The following CC2D2A variants were observed in gnomAD, a reference collection of about 807,000 sequenced individuals.
CC2D2A encodes coiled-coil and C2 domain-containing protein 2A.
In CC2D2A, 155 loss-of-function variants were observed where a neutral mutation model predicts 212.9. The ratio of observed to expected loss-of-function variants is 0.73; its 90% CI spans 0.64 to 0.83. The LOEUF (loss-of-function observed/expected upper bound fraction) is 0.83. Among genes scored for constraint, CC2D2A ranks in the 40% least tolerant of loss-of-function variants. The probability of loss-of-function intolerance (pLI) is 0.00; values close to 1 mark genes in which losing one functional copy is unlikely to be tolerated. For missense variants in CC2D2A, 1,856 were observed against 1,956.2 expected, an observed-to-expected ratio of 0.95 and a Z score of 0.97; for synonymous variants, 667 against 686.5, an observed-to-expected ratio of 0.97 and a Z score of 0.44.
chr4:15,523,202 CCTTT>C (rs933512857), intron 11 of CC2D2A, among the ~76,000 whole-genome samples: 5 of 151,696 alleles, frequency 3.3e-5, no homozygotes, highest in Non-Finnish European at 5.9e-5. Flanking sequence ...TTCCTTCCTT[CCTTT>C]TTTATTACTT....
At chr4:15,530,192 A>C (rs377030635) in intron 13 of CC2D2A, among the ~76,000 whole-genome samples, 54 of 152,084 alleles carry the variant, frequency 3.6e-4, no homozygotes, top group African/African-American at 8.2e-4. Context: ...AAGATGGTCT[A>C]GATCTCCTGA....
At chr4:15,513,772 TTC>T (rs1332155725) in intron 8 of CC2D2A, among the ~76,000 whole-genome samples, 1 of 152,240 alleles carries the variant, frequency 6.6e-6, no homozygotes, top group East Asian at 1.9e-4. Flanking sequence ...CTGGTGATCT[TTC>T]TCTTTTCACT....
At chr4:15,586,085 G>A (rs1458301864) in intron 30 of CC2D2A, 72 bp from the exon 31 acceptor site, 9 of 1,004,352 alleles carry the variant, frequency 9.0e-6, no homozygotes, top group African/African-American at 3.2e-5. Flanking sequence ...TGAGATTTAA[G>A]AAATGAGGTA....
At chr4:15,578,252 T>C (rs1720494645) in intron 29 of CC2D2A, among the ~76,000 whole-genome samples, 1 of 152,194 alleles carries the variant, frequency 6.6e-6, no homozygotes, top group African/African-American at 2.4e-5. Context: ...GGACATTTTA[T>C]GAGAATATAT....
chr4:15,516,902 T>C, intron 11 of CC2D2A, 146 bp downstream of exon 11: 1 of 686,806 alleles, frequency 1.5e-6, no homozygotes, highest in Non-Finnish European at 2.2e-6. Context: ...ACATCAGGCA[T>C]ATTATGTAAG....
intron 21 of CC2D2A, among the ~76,000 whole-genome samples, chr4:15,558,677 T>C (rs1181412274): frequency 3.3e-5 from 5 of 151,944 alleles, no homozygotes; most frequent in Non-Finnish European, 7.4e-5. Context: ...GAGGAGAACA[T>C]AGCAGTTCCC....
intron 30 of CC2D2A, among the ~76,000 whole-genome samples, chr4:15,583,600 A>G (rs1001889756): frequency 1.2e-4 from 19 of 152,352 alleles, no homozygotes; most frequent in Middle Eastern, 3.4e-3. Context: ...ACAAAAATTT[A>G]TAAGATACCT....
intron 4 of CC2D2A, among the ~76,000 whole-genome samples, chr4:15,489,108 T>C (rs915420470): frequency 1.1e-4 from 17 of 152,254 alleles, no homozygotes; most frequent in African/African-American, 4.1e-4. Flanking sequence ...TCATTCATGT[T>C]AGTTTCTCTG....
intron 28 of CC2D2A, among the ~76,000 whole-genome samples, chr4:15,571,449 T>A (rs1461171779): frequency 6.6e-6 from 1 of 152,120 alleles, no homozygotes; most frequent in Non-Finnish European, 1.5e-5. Context: ...AGGCTTTGAA[T>A]CACTGTAATG....
chr4:15,580,010 A>G lies in CC2D2A; in HGVS notation c.3814A>G (p.Lys1272Glu), dbSNP rs764468499. The G allele has an allele frequency of 5.0e-6, 8 of 1,613,842 alleles. No individual in the cohort carries two copies. Among genetic ancestry groups the G allele is most frequent in the Non-Finnish European group, 6.8e-6 (8 of 1,179,832 alleles). The part of the protein sequence containing the change: ...EDEKLLQATE[K>E]FQAECALKFP... ...TGAGAAATTACTTCAAGCAACTGAG[A>G]AGTTTCAAGCTGAATGTGCCTTAAA... The change falls in exon 30 of 37, where the codon AAG becomes GAG. Residue 1272 changes from lysine to glutamate, a missense_variant. Coordinates refer to ENST00000424120, the MANE Select transcript of CC2D2A (RefSeq NM_001378615.1).
chr4:15,509,235 C>T (rs1240987358), intron 6 of CC2D2A, among the ~76,000 whole-genome samples: 2 of 151,728 alleles, frequency 1.3e-5, no homozygotes, highest in African/African-American at 4.8e-5. Flanking sequence ...GGAAATGATC[C>T]TCTGTGAAGT....
intron 4 of CC2D2A, among the ~76,000 whole-genome samples, chr4:15,483,347 G>A (rs1714804759): frequency 6.6e-6 from 1 of 152,186 alleles, no homozygotes; most frequent in Admixed American, 6.5e-5. Context: ...TGTAGGGTGA[G>A]GAGGATTCCC....
chr4:15,528,380 G>C (rs572281998), intron 12 of CC2D2A, among the ~76,000 whole-genome samples: 2 of 152,284 alleles, frequency 1.3e-5, no homozygotes, highest in East Asian at 3.9e-4. Flanking sequence ...GATTTTCTGG[G>C]CCATGGAACA....
Position 15,553,200 on chromosome 4 carries a change from C to T in CC2D2A, c.2381C>T (p.Thr794Ile). Residue 794 changes from threonine to isoleucine, a missense_variant, in exon 19 of 37, where the codon ACT becomes ATT. Coordinates refer to ENST00000424120, the MANE Select transcript of CC2D2A (RefSeq NM_001378615.1). ...SFEADGSNQL[T>I]LMTSGKVSHS... is the part of the protein sequence containing the mutation. ...GAAGCTGATGGCAGTAACCAGCTGA[C>T]TCTGATGACCTCAGGGAAAGTGTCT... 6.2e-7 allele frequency: 1 copy of T among 1,609,084 alleles called. No homozygotes were observed. The highest frequency in any genetic ancestry group is 8.5e-7 in the Non-Finnish European group (1 of 1,178,192).
chr4:15,550,973 T>C lies in CC2D2A; in HGVS notation c.2331T>C (p.Val777=). 6.3e-7 allele frequency: 1 copy of C among 1,592,634 alleles called. No individual in the cohort carries two copies. The highest frequency in any genetic ancestry group is 8.6e-7 in the Non-Finnish European group (1 of 1,163,394). Reference sequence around the variant, plus strand: ...ATGTGACACTGGACCACGAGGGAGTTGGAAGTGGTATGGAAAGCTAATATC... The same window carrying C: ...ATGTGACACTGGACCACGAGGGAGTCGGAAGTGGTATGGAAAGCTAATATC... ...NQHVTLDHEG[V]GSGVPFSFEA... is the part of the protein sequence containing the mutation. The change falls in exon 18 of 37, where the codon GTT becomes GTC. Residue 777 remains valine (V), a synonymous_variant. Coordinates refer to ENST00000424120, the MANE Select transcript of CC2D2A (RefSeq NM_001378615.1).
At chr4:15,537,369 G>A (rs1718190320) in intron 15 of CC2D2A, among the ~76,000 whole-genome samples, 1 of 152,188 alleles carries the variant, frequency 6.6e-6, no homozygotes, top group South Asian at 2.1e-4. Context: ...ACTAATGCAT[G>A]TGTCCAGCAC....
intron 1 of CC2D2A, among the ~76,000 whole-genome samples, chr4:15,470,683 CTCTCTCTATATATATA>C (rs1304029270): frequency 2.1e-3 from 113 of 54,232 alleles, no homozygotes; most frequent in East Asian, 0.015. Context: ...CTCTCTCTCT[CTCTCTCTATATATATA>C]TATATATATA....
chr4:15,538,210 C>T (rs1718240539), intron 16 of CC2D2A, 73 bp downstream of exon 16: 2 of 1,413,340 alleles, frequency 1.4e-6, no homozygotes, highest in South Asian at 1.5e-5. Context: ...TGCACACACA[C>T]ATGCACGACA....
chr4:15,478,863 C>A, intron 3 of CC2D2A, 57 bp downstream of exon 3: 1 of 1,352,342 alleles, frequency 7.4e-7, no homozygotes, highest in Non-Finnish European at 1.0e-6. Context: ...AACCCGCCTG[C>A]ATCCCCAGGG....
Sources: allele counts gnomAD v4.1 joint callset (sites outside exome capture counted in the v4.1 genomes callset), GRCh38; gene constraint gnomAD v4.1.1; transcripts MANE v1.5; gene names NCBI Gene and HGNC (gene_info 2026-07-23, HGNC 2026-07-21).